RBFOX2: variants seen among roughly 807,000 people sequenced by gnomAD.
RBFOX2 encodes the protein RNA binding fox-1 homolog 2.
RBFOX2 carries 10 observed loss-of-function variants against 49.1 expected under a neutral mutation model. The ratio of observed to expected loss-of-function variants is 0.20; its 90% CI spans 0.13 to 0.35. The LOEUF (loss-of-function observed/expected upper bound fraction) is 0.35. Among genes scored for constraint, RBFOX2 ranks in the 10% least tolerant of loss-of-function variants. The probability of loss-of-function intolerance (pLI) is 1.00; values close to 1 mark genes in which losing one functional copy is unlikely to be tolerated. For missense variants in RBFOX2, 323 were observed against 486.9 expected (o/e 0.66, Z 3.17); for synonymous variants, 183 against 187.4 (o/e 0.98, Z 0.19).
At chr22:35,883,915 T>C (rs2046245077) in intron 1 of RBFOX2, among the ~76,000 whole-genome samples, 1 of 151,630 alleles carries the variant, frequency 6.6e-6, no homozygotes, top group South Asian at 2.1e-4. Flanking sequence ...TCCTTAAAAG[T>C]CCACTGCCCA....
intron 2 of RBFOX2, among the ~76,000 whole-genome samples, chr22:35,788,200 A>G (rs576079559): frequency 9.2e-5 from 14 of 152,316 alleles, no homozygotes; most frequent in South Asian, 6.2e-4. Context: ...TTAACTATAC[A>G]TTGTCAACAA....
At chr22:35,775,006 G>T (rs1943544074) in intron 4 of RBFOX2, among the ~76,000 whole-genome samples, 1 of 152,166 alleles carries the variant, frequency 6.6e-6, no homozygotes, top group East Asian at 1.9e-4. Context: ...TTAAAAGTTA[G>T]AGGAACTCTT....
At chr22:35,979,828 G>A (rs774901038) in intron 1 of RBFOX2, among the ~76,000 whole-genome samples, 7 of 152,226 alleles carry the variant, frequency 4.6e-5, no homozygotes, top group Non-Finnish European at 1.0e-4. Flanking sequence ...GGTTCAACAA[G>A]TGTCAGTGCC....
At chr22:35,994,315 CTT>C (rs1176983930) in intron 1 of RBFOX2, 7 of 151,852 alleles carry the variant, frequency 4.6e-5, no homozygotes, top group Non-Finnish European at 1.5e-5. Flanking sequence ...ATCTTACATT[CTT>C]TTTTGTACTA....
At chr22:35,821,801 C>T (rs1954579770) in intron 1 of RBFOX2, 1 of 518,804 alleles carries the variant, frequency 1.9e-6, no homozygotes, top group African/African-American at 1.9e-5. Context: ...CTGATCTACC[C>T]ATAGGACTGT....
At chr22:35,818,188 A>C (rs977448670) in intron 1 of RBFOX2, among the ~76,000 whole-genome samples, 1 of 152,170 alleles carries the variant, frequency 6.6e-6, no homozygotes, top group East Asian at 1.9e-4. Flanking sequence ...TCTTTCCTCT[A>C]TTTCTCCTTA....
chr22:35,947,294 G>C (rs1324849355), intron 1 of RBFOX2, among the ~76,000 whole-genome samples: 1 of 152,140 alleles, frequency 6.6e-6, no homozygotes, highest in Non-Finnish European at 1.5e-5. Flanking sequence ...TGTGATGCTG[G>C]TGTAAACAAG....
chr22:35,929,717 C>T (rs1368933008), intron 1 of RBFOX2, among the ~76,000 whole-genome samples: 1 of 151,974 alleles, frequency 6.6e-6, no homozygotes, highest in East Asian at 1.9e-4. Context: ...AACTCCTGGG[C>T]TCAAAGGATC....
chr22:35,777,072 C>T (rs547146595), intron 4 of RBFOX2, among the ~76,000 whole-genome samples: 9 of 150,278 alleles, frequency 6.0e-5, no homozygotes, highest in Admixed American at 4.0e-4. Context: ...AGTGCAGTGG[C>T]GCAATCTCGG....
chr22:35,866,281 T>G (rs2043669103), intron 1 of RBFOX2, among the ~76,000 whole-genome samples: 1 of 152,168 alleles, frequency 6.6e-6, no homozygotes, highest in African/African-American at 2.4e-5. Flanking sequence ...GAATTTTAAT[T>G]CCTAAAATAA....
At chr22:35,833,085 T>C (rs1184436183) in intron 1 of RBFOX2, among the ~76,000 whole-genome samples, 1 of 152,150 alleles carries the variant, frequency 6.6e-6, no homozygotes, top group Non-Finnish European at 1.5e-5. Flanking sequence ...TCAATAAAAC[T>C]TAAAAAGTAA....
At chr22:35,787,512 G>C (rs1169807834) in intron 2 of RBFOX2, among the ~76,000 whole-genome samples, 2 of 152,114 alleles carry the variant, frequency 1.3e-5, no homozygotes, top group African/African-American at 4.8e-5. Flanking sequence ...AGTAGAAATA[G>C]GAATAGAAAA....
chr22:35,961,152 T>C (rs895510398), intron 1 of RBFOX2, among the ~76,000 whole-genome samples: 1 of 151,840 alleles, frequency 6.6e-6, no homozygotes, highest in Non-Finnish European at 1.5e-5. Flanking sequence ...CCCATCCATA[T>C]AAAAAAAATA....
intron 1 of RBFOX2, chr22:35,822,787 G>C (rs1954801366): frequency 4.7e-6 from 2 of 423,372 alleles, no homozygotes; most frequent in Non-Finnish European, 9.2e-6. Context: ...CTTCTTTGGA[G>C]ACAAACACTG....
intron 1 of RBFOX2, among the ~76,000 whole-genome samples, chr22:35,971,460 GA>G (rs1375039945): frequency 2.0e-5 from 3 of 151,968 alleles, no homozygotes; most frequent in Non-Finnish European, 4.4e-5. Flanking sequence ...CCCAGGTCCA[GA>G]AAAAAATTCC....
chr22:35,810,897 T>C (rs1336564790), intron 1 of RBFOX2, among the ~76,000 whole-genome samples: 1 of 152,148 alleles, frequency 6.6e-6, no homozygotes, highest in African/African-American at 2.4e-5. Flanking sequence ...ATAAAACCTA[T>C]ACAAATATAT....
At chr22:35,875,189 C>A (rs1170423932) in intron 1 of RBFOX2, among the ~76,000 whole-genome samples, 1 of 152,136 alleles carries the variant, frequency 6.6e-6, no homozygotes, top group African/African-American at 2.4e-5. Flanking sequence ...TTTGTGATAG[C>A]AGCCCTAGCA....
At position 35,765,410 on chromosome 22, in the gene RBFOX2, T is replaced by C; in HGVS notation, c.607+13A>G. On this transcript the variant is annotated intron_variant, in intron 6 of 11. Transcript: ENST00000405409. ...CAAGAATAAACACTCTTTCGAAGAT[T>C]ATAATTTCTTACCATTTGCATATGG... The C allele has an allele frequency of 2.0e-6, 3 of 1,495,526 alleles. No homozygotes were observed. The highest frequency in any genetic ancestry group is 2.8e-6 in the Non-Finnish European group (3 of 1,083,338). 92.6% of individuals were successfully genotyped at this position (1,495,526 alleles called of 1,614,324 possible). A position where few individuals can be genotyped will look rare whatever the true frequency, so the allele number is the denominator to read the frequency against.
chr22:35,836,008 T>C (rs1957589622), intron 1 of RBFOX2, among the ~76,000 whole-genome samples: 2 of 151,630 alleles, frequency 1.3e-5, no homozygotes, highest in African/African-American at 4.8e-5. Flanking sequence ...CCGCCTATCC[T>C]CCAACTCCCC....
Sources: gnomAD v4.1 joint callset for allele counts (sites outside exome capture counted in the v4.1 genomes callset) on GRCh38, gnomAD v4.1.1 for gene constraint, MANE v1.5 for transcripts, NCBI Gene and HGNC (gene_info 2026-07-23, HGNC 2026-07-21) for gene names.